Variants in BMP5 observed in about 807,000 individuals in gnomAD.
BMP5 encodes bone morphogenetic protein 5.
A neutral mutation model predicts 46.6 loss-of-function variants in BMP5; 23 were observed. That is an observed-to-expected ratio of 0.49 (90% confidence interval 0.35 to 0.70). The LOEUF (loss-of-function observed/expected upper bound fraction) is 0.70, where lower values mean the gene tolerates loss of function less well. Among genes scored for constraint, BMP5 ranks in the 30% least tolerant of loss-of-function variants. The pLI is 0.00. For synonymous variants in BMP5, 204 were observed against 191.9 expected, an observed-to-expected ratio of 1.06 and a Z score of -0.52; for missense variants, 545 against 565.6, an observed-to-expected ratio of 0.96 and a Z score of 0.37.
chr6:55,861,386 A>T (rs1405521406), intron 1 of BMP5, among the ~76,000 whole-genome samples: 1 of 152,120 alleles, frequency 6.6e-6, no homozygotes, highest in Non-Finnish European at 1.5e-5. Context: ...CCAATCTCCA[A>T]CCCTTCTTTT....
chr6:55,819,676 A>T lies in BMP5; in HGVS notation c.662T>A (p.Ile221Asn). The T allele has an allele frequency of 6.2e-7, 1 of 1,612,826 alleles. No homozygotes were observed. The highest frequency in any genetic ancestry group is 8.5e-7 in the Non-Finnish European group (1 of 1,179,052). Residue 221 changes from isoleucine (I) to asparagine (N), a missense_variant, in exon 2 of 7, where the codon ATC (isoleucine) becomes AAC (asparagine). Physicochemically the swap from Ile to Asn is moderately radical, Grantham distance 149. Coordinates refer to ENST00000370830, the MANE Select transcript of BMP5 (RefSeq NM_021073.4). ...NETIKISIYQ[I>N]IKEYTNRDAD... ...ATACCTATTTGTGTATTCCTTGATG[A>T]TTTGATATATGCTAATCTTAATTGT... is the stretch of plus-strand genomic sequence containing the variant.
intron 1 of BMP5, among the ~76,000 whole-genome samples, chr6:55,857,051 G>T (rs1054232615): frequency 6.6e-6 from 1 of 152,106 alleles, no homozygotes; most frequent in Non-Finnish European, 1.5e-5. Flanking sequence ...TGATCATAGT[G>T]ACTTGTTTTG....
intron 1 of BMP5, among the ~76,000 whole-genome samples, chr6:55,848,576 C>A (rs1319257705): frequency 6.6e-6 from 1 of 151,864 alleles, no homozygotes; most frequent in African/African-American, 2.4e-5. Context: ...CACTGCCTAG[C>A]AAGTAGTTAG....
At chr6:55,789,285 G>C (rs571406769) in intron 3 of BMP5, among the ~76,000 whole-genome samples, 1 of 151,750 alleles carries the variant, frequency 6.6e-6, no homozygotes, top group Non-Finnish European at 1.5e-5. Flanking sequence ...TGAAAACATA[G>C]GGCTTTTTAA....
chr6:55,841,902 C>CAG (rs1274692640), intron 1 of BMP5, among the ~76,000 whole-genome samples: 2 of 131,556 alleles, frequency 1.5e-5, no homozygotes, highest in African/African-American at 6.4e-5. Flanking sequence ...CAGCCCATAA[C>CAG]AGAGAGAGAG....
chr6:55,853,057 G>A (rs1777284711), intron 1 of BMP5, among the ~76,000 whole-genome samples: 1 of 151,686 alleles, frequency 6.6e-6, no homozygotes, highest in South Asian at 2.1e-4. Flanking sequence ...TTGAAACTGG[G>A]AAGCGGAGAT....
rs535288764 is a variant in BMP5 at position 55,869,620 on chromosome 6, C to T, written c.490+4756G>A. Among the ~76,000 whole-genome samples the T allele has an allele frequency of 2.6e-5, 4 of 152,110 alleles. No individual in the cohort carries two copies. In the South Asian group the frequency reaches 8.3e-4, roughly 32 times the overall value. ...TGTTGATTTCTTTTTCTTTCTTTTA[C>T]TTTTCTTGAAATTTTCCCTTTTAAA... On this transcript the variant is annotated intron_variant, in intron 1 of 6. Coordinates refer to ENST00000370830, the MANE Select transcript of BMP5 (RefSeq NM_021073.4).
chr6:55,808,241 C>T (rs1369511414), intron 2 of BMP5, among the ~76,000 whole-genome samples: 1 of 152,158 alleles, frequency 6.6e-6, no homozygotes, highest in Non-Finnish European at 1.5e-5. Flanking sequence ...AAGGTCAGGC[C>T]TGAAGAGGCA....
chr6:55,860,486 T>A (rs1039474238), intron 1 of BMP5, among the ~76,000 whole-genome samples: 6 of 152,318 alleles, frequency 3.9e-5, no homozygotes, highest in Non-Finnish European at 8.8e-5. Flanking sequence ...TTCCTAAGCA[T>A]GTCTCAGACT....
At chr6:55,831,675 A>G (rs1345891931) in intron 1 of BMP5, among the ~76,000 whole-genome samples, 1 of 152,074 alleles carries the variant, frequency 6.6e-6, no homozygotes, top group Non-Finnish European at 1.5e-5. Context: ...TCAGCCAAAT[A>G]ATAGTTTCTG....
chr6:55,832,805 T>C (rs7742612), intron 1 of BMP5, among the ~76,000 whole-genome samples: 1,854 of 152,166 alleles, frequency 0.012, 40 homozygotes, highest in African/African-American at 0.042. Context: ...CCTTTGGGTT[T>C]TGTTCATTTA....
intron 2 of BMP5, among the ~76,000 whole-genome samples, chr6:55,813,357 A>G (rs1319208754): frequency 6.6e-6 from 1 of 152,004 alleles, no homozygotes. Context: ...CCTGCAATGA[A>G]TATTTGATGG....
chr6:55,758,516 G>A (rs1263455725), intron 6 of BMP5, among the ~76,000 whole-genome samples: 1 of 151,876 alleles, frequency 6.6e-6, no homozygotes, highest in Non-Finnish European at 1.5e-5. Context: ...GATTACAGGA[G>A]GAGGAGGAGA....
rs937562976 is a variant in BMP5 at position 55,813,206 on chromosome 6, T to C, written c.683+6449A>G. ...AGTTGGGAATGCTATTTTGTAAAGA[T>C]GTGTGTAGCATAAAATCATTTCATT... On this transcript the variant is annotated intron_variant, in intron 2 of 6. Transcript: ENST00000370830. Among the ~76,000 whole-genome samples, 4 of 152,248 alleles carry C rather than the reference T, an allele frequency of 2.6e-5. No homozygotes were observed. The East Asian group carries it at 7.7e-4, about 29-fold the overall frequency.
chr6:55,864,546 T>C (rs1403586666), intron 1 of BMP5, among the ~76,000 whole-genome samples: 4 of 152,114 alleles, frequency 2.6e-5, no homozygotes, highest in African/African-American at 4.8e-5. Context: ...ATCTTAGATT[T>C]CTCAGCCTCC....
chr6:55,827,481 A>C (rs1414990003), intron 1 of BMP5, among the ~76,000 whole-genome samples: 2 of 151,764 alleles, frequency 1.3e-5, no homozygotes, highest in Non-Finnish European at 3.0e-5. Flanking sequence ...TTGGTGGAAC[A>C]CGTAGCACAT....
At chr6:55,772,617 T>C (rs1775074325) in intron 4 of BMP5, 2 of 352,840 alleles carry the variant, frequency 5.7e-6, no homozygotes, top group Non-Finnish European at 7.9e-6. Context: ...TCATATTAAG[T>C]AATTACAGCT....
At position 55,848,858 on chromosome 6, in the gene BMP5, T is replaced by A. The variant is rs566044611; in HGVS notation, c.490+25518A>T. ...TGCAGGATTAGACCAGCTCTTACAA[T>A]TCATTTAGTCCAAATATGATCCTTT... On this transcript the variant is annotated intron_variant, in intron 1 of 6. Coordinates refer to ENST00000370830, the MANE Select transcript of BMP5 (RefSeq NM_021073.4). 3.9e-5 allele frequency among the ~76,000 whole-genome samples: 6 copies of A among 152,116 alleles called. 1 individual carries two copies. The South Asian group carries it at 1.2e-3, about 32-fold the overall frequency.
chr6:55,801,137 G>T (rs368648078), intron 2 of BMP5, among the ~76,000 whole-genome samples: 1 of 152,158 alleles, frequency 6.6e-6, no homozygotes, highest in African/African-American at 2.4e-5. Context: ...CAACTAAGCT[G>T]GAACTACTGT....
Sources: allele counts gnomAD v4.1 joint callset (sites outside exome capture counted in the v4.1 genomes callset), GRCh38; gene constraint gnomAD v4.1.1; transcripts MANE v1.5; gene names NCBI Gene and HGNC (gene_info 2026-07-23, HGNC 2026-07-21).